Variants in MAPK13 observed in about 807,000 individuals in gnomAD.
MAPK13 encodes the protein mitogen-activated protein kinase 13.
In MAPK13, 39 loss-of-function variants were observed where a neutral mutation model predicts 53.5. The ratio of observed to expected loss-of-function variants is 0.73; its 90% CI spans 0.56 to 0.95. The LOEUF (loss-of-function observed/expected upper bound fraction) is 0.95, where lower values mean the gene tolerates loss of function less well. Ranked by LOEUF, MAPK13 falls within the 40% of genes least tolerant of loss-of-function variation. The pLI is 0.00. For synonymous variants in MAPK13, 179 were observed against 190.9 expected (o/e 0.94, Z 0.51); for missense variants, 460 against 471.8 (o/e 0.98, Z 0.23).
At chr6:36,136,315 T>C (rs1766415956) in intron 5 of MAPK13, among the ~76,000 whole-genome samples, 169 bp from the exon 6 acceptor site, 1 of 152,342 alleles carries the variant, frequency 6.6e-6, no homozygotes, top group South Asian at 2.1e-4. Context: ...ATTTTAGAGC[T>C]GGGTGGGCCC....
In MAPK13 at chr6:36,135,866, G is replaced by A. The variant is rs768700932; in HGVS notation, c.417+5G>A. 1.2e-6 allele frequency: 2 copies of A among 1,611,398 alleles called. No individual in the cohort carries two copies. The highest frequency in any genetic ancestry group is 2.7e-5 in the African/African-American group (2 of 74,982). On this transcript the variant is annotated splice_donor_5th_base_variant and intron_variant, in intron 4 of 11. Transcript: ENST00000211287. ...CAGATGCTCAAAGGCCTTAAGGTGG[G>A]TGGGGACTTGGAGGCTGGCAGAGGG...
Position 36,130,526 on chromosome 6 carries a change from C to G in MAPK13, c.-57C>G. On this transcript the variant is annotated 5_prime_UTR_variant, in exon 1 of 12. Transcript: ENST00000211287. The surrounding 1 kb of genome is among the most constrained non-coding windows in gnomAD (Gnocchi z 4.5). ...GCAGCGGGGGTCGGGGCGCTGGGAG[C>G]CCGTTGGGCCGCGAACGCAGCCGCC... 1.2e-6 allele frequency: 1 copy of G among 837,532 alleles called. No homozygotes were observed. Among genetic ancestry groups the G allele is most frequent in the Non-Finnish European group, 1.8e-6 (1 of 553,146 alleles). 51.9% of individuals were successfully genotyped at this position (837,532 alleles called of 1,614,324 possible).
rs1453424512 is a variant in MAPK13 at position 36,130,920 on chromosome 6, G to A, written c.119+219G>A. The A allele has an allele frequency of 7.7e-6, 4 of 521,364 alleles. No individual in the cohort carries two copies. In the African/African-American group the frequency reaches 7.9e-5, roughly 10 times the overall value. 32.3% of individuals were successfully genotyped at this position (521,364 alleles called of 1,614,324 possible). A position where few individuals can be genotyped will look rare whatever the true frequency, so the allele number is the denominator to read the frequency against. On this transcript the variant is annotated intron_variant, in intron 1 of 11. Coordinates refer to ENST00000211287, the MANE Select transcript of MAPK13 (RefSeq NM_002754.5). The surrounding 1 kb of genome is among the most constrained non-coding windows in gnomAD (Gnocchi z 4.5). ...GTTGGGACTGGGCCTGGTTCTCCAG[G>A]ACTGTACACTTGCAAGACCCCAGAG...
rs115149227 is a variant in MAPK13, at chr6:36,138,573, C to A, written c.762+129C>A. 9.5e-3 allele frequency: 11,927 copies of A among 1,257,064 alleles called. 84 individuals carry two copies. The highest frequency in any genetic ancestry group is 0.011 in the Non-Finnish European group (9,506 of 875,756). 77.9% of individuals were successfully genotyped at this position (1,257,064 alleles called of 1,614,324 possible). On this transcript the variant is annotated intron_variant, in intron 9 of 11. Transcript: ENST00000211287. ...CACAGCATCCTCCTACCCTGGCAGG[C>A]ACTCTTGTCTTAATCTCACCGTGGA... is the stretch of plus-strand genomic sequence containing the variant.
Position 36,130,567 on chromosome 6 carries a change from A to G in MAPK13, c.-16A>G, listed in dbSNP as rs770580825. On this transcript the variant is annotated 5_prime_UTR_variant, in exon 1 of 12. Coordinates refer to ENST00000211287, the MANE Select transcript of MAPK13 (RefSeq NM_002754.5). This position sits in a 1 kb window ranked among gnomAD's most constrained non-coding sequence, Gnocchi z 4.5. ...CGCAGCCGCCACGCTGGGGCCGCCG[A>G]GATCGGGTGCCCGGGATGAGCCTCA... 7.1e-7 allele frequency: 1 copy of G among 1,418,206 alleles called. No individual in the cohort carries two copies. Among genetic ancestry groups the G allele is most frequent in the African/African-American group, 1.5e-5 (1 of 67,016 alleles). 87.9% of individuals were successfully genotyped at this position (1,418,206 alleles called of 1,614,324 possible).
chr6:36,131,175 C>T (rs1210438020), intron 1 of MAPK13, 96 bp from the exon 2 acceptor site: 23 of 1,449,906 alleles, frequency 1.6e-5, no homozygotes, highest in Non-Finnish European at 2.0e-5. Flanking sequence ...GCCTAGTCCC[C>T]TCTCAGCCCA....
Position 36,135,736 on chromosome 6 carries a change from C to T in MAPK13, c.309-17C>T. 1.9e-6 allele frequency: 3 copies of T among 1,588,990 alleles called. No individual in the cohort carries two copies. Among genetic ancestry groups the T allele is most frequent in the Non-Finnish European group, 2.6e-6 (3 of 1,159,642 alleles). Reference sequence around the variant, plus strand: ...GTGGGACCCGGCACTGTTCCAAGAACCCCTCATGCCTTCCAGCTACCTGGT... The same window carrying T: ...GTGGGACCCGGCACTGTTCCAAGAATCCCTCATGCCTTCCAGCTACCTGGT... On this transcript the variant is annotated splice_polypyrimidine_tract_variant and intron_variant, in intron 3 of 11. Coordinates refer to ENST00000211287, the MANE Select transcript of MAPK13 (RefSeq NM_002754.5).
At position 36,139,675 on chromosome 6, in the gene MAPK13, T is replaced by G; in HGVS notation, c.*302T>G. On this transcript the variant is annotated 3_prime_UTR_variant, in exon 12 of 12. Coordinates refer to ENST00000211287, the MANE Select transcript of MAPK13 (RefSeq NM_002754.5). Reference sequence around the variant, plus strand: ...GAGCCAGGCCGGGGGCCTATGGCAGTGATGCTGTGTTGGTTTCCTAGGGAT... The same window carrying G: ...GAGCCAGGCCGGGGGCCTATGGCAGGGATGCTGTGTTGGTTTCCTAGGGAT... The G allele has an allele frequency of 2.6e-6, 1 of 389,440 alleles. No homozygotes were observed. Among genetic ancestry groups the G allele is most frequent in the Non-Finnish European group, 4.7e-6 (1 of 211,044 alleles). 24.1% of individuals were successfully genotyped at this position (389,440 alleles called of 1,614,324 possible).
chr6:36,138,505 T>G, intron 9 of MAPK13, 61 bp downstream of exon 9: 3 of 1,526,196 alleles, frequency 2.0e-6, no homozygotes, highest in Non-Finnish European at 2.7e-6. Context: ...GTGGGCCCAG[T>G]GGGCTGCAGG....
intron 11 of MAPK13, 105 bp downstream of exon 11, chr6:36,139,160 T>C: frequency 1.4e-6 from 2 of 1,391,812 alleles, no homozygotes; most frequent in East Asian, 4.7e-5. Context: ...GCCACCTCCT[T>C]CTTGGTGGGC....
chr6:36,137,874 G>A (rs1185036084), intron 8 of MAPK13, among the ~76,000 whole-genome samples: 2 of 143,354 alleles, frequency 1.4e-5, no homozygotes, highest in South Asian at 2.2e-4. Flanking sequence ...CAGGAAAATC[G>A]CTTGAACCCA....
At chr6:36,138,235 G>A in intron 8 of MAPK13, 130 bp from the exon 9 acceptor site, 5 of 679,854 alleles carry the variant, frequency 7.4e-6, no homozygotes, top group Non-Finnish European at 1.3e-5. Flanking sequence ...GAGAGCAGGA[G>A]GTGGTTAGGC....
Position 36,138,948 on chromosome 6 carries a change from C to T in MAPK13, c.911C>T (p.Thr304Ile). Residue 304 changes from threonine to isoleucine, a missense_variant, in exon 11 of 12, where the codon ACC becomes ATC. Transcript: ENST00000211287. ...DKRLTAAQALTHPFFEPFRDP... is the reference protein window; with the variant it reads ...DKRLTAAQALIHPFFEPFRDP... ...CGCCTGACGGCCGCGCAGGCCCTCACCCATCCCTTCTTTGAACCCTTCCGG... is the reference window on the plus strand; with the variant it reads ...CGCCTGACGGCCGCGCAGGCCCTCATCCATCCCTTCTTTGAACCCTTCCGG... 6.2e-7 allele frequency: 1 copy of T among 1,613,758 alleles called. No homozygotes were observed. The highest frequency in any genetic ancestry group is 8.5e-7 in the Non-Finnish European group (1 of 1,179,844).
rs1449393523 is a variant in MAPK13 at position 36,138,781 on chromosome 6, G to T, written c.841+1G>T. ...CTGTTCCCACGGGCCAGCCCCCAGG[G>T]TGAGTCTCAGAGCCCGCTCCCCAGG... On this transcript the variant is annotated splice_donor_variant, in intron 10 of 11. Coordinates refer to ENST00000211287, the MANE Select transcript of MAPK13 (RefSeq NM_002754.5). LOFTEE classifies it high-confidence loss of function. 6.2e-7 allele frequency: 1 copy of T among 1,614,156 alleles called. No individual in the cohort carries two copies. Among genetic ancestry groups the T allele is most frequent in the Non-Finnish European group, 8.5e-7 (1 of 1,180,018 alleles).
At position 36,130,659 on chromosome 6, in the gene MAPK13, T is replaced by C. The variant is rs371857533; in HGVS notation, c.77T>C (p.Val26Ala). The C allele has an allele frequency of 1.3e-4, 208 of 1,572,730 alleles. No individual in the cohort carries two copies. Among genetic ancestry groups the C allele is most frequent in the Non-Finnish European group, 1.7e-4 (203 of 1,163,604 alleles). Residue 26 changes from valine (V) to alanine (A), a missense_variant, in exon 1 of 12, where the codon GTG becomes GCG. Coordinates refer to ENST00000211287, the MANE Select transcript of MAPK13 (RefSeq NM_002754.5). This position sits in a 1 kb window ranked among gnomAD's most constrained non-coding sequence, Gnocchi z 4.5. ...KTAWELPKTY[V>A]SPTHVGSGAY... ...GCCTGGGAGCTGCCCAAGACCTACG[T>C]GTCCCCGACGCACGTCGGCAGCGGG...
intron 8 of MAPK13, among the ~76,000 whole-genome samples, chr6:36,137,522 A>G (rs1766441428): frequency 6.6e-6 from 1 of 151,428 alleles, no homozygotes; most frequent in African/African-American, 2.4e-5. Flanking sequence ...CTCAAAAAAA[A>G]GAAAAAGAAA....
chr6:36,130,722 G>GGGGGCGA lies in MAPK13; in HGVS notation c.119+27_119+28insAGGGGCG. The GGGGGCGA allele has an allele frequency of 2.6e-6, 3 of 1,157,638 alleles. No homozygotes were observed. The highest frequency in any genetic ancestry group is 2.3e-5 in the Admixed American group (1 of 43,842). The allele number at this position is 1,157,638 out of a possible 1,614,324, so 71.7% of individuals were successfully genotyped here. ...GTGTGGTGAGACCCCTGGGCCGCTG[G>GGGGGCGA]GGGGCGGGGGGCGGGCGCCAGGCTC... On this transcript the variant is annotated intron_variant, in intron 1 of 11. Coordinates refer to ENST00000211287, the MANE Select transcript of MAPK13 (RefSeq NM_002754.5). The surrounding 1 kb of genome is among the most constrained non-coding windows in gnomAD (Gnocchi z 4.5).
At chr6:36,131,503 C>T (rs1411472007) in intron 2 of MAPK13, 103 bp downstream of exon 2, 2 of 1,137,222 alleles carry the variant, frequency 1.8e-6, no homozygotes, top group African/African-American at 1.5e-5. Flanking sequence ...ACAGTCTCCT[C>T]CCTGCTCCCC....
chr6:36,139,664 G>T lies in MAPK13; in HGVS notation c.*291G>T. Reference sequence around the variant, plus strand: ...GAGTGGGCGCTGAGCCAGGCCGGGGGCCTATGGCAGTGATGCTGTGTTGGT... The same window carrying T: ...GAGTGGGCGCTGAGCCAGGCCGGGGTCCTATGGCAGTGATGCTGTGTTGGT... On this transcript the variant is annotated 3_prime_UTR_variant, in exon 12 of 12. Coordinates refer to ENST00000211287, the MANE Select transcript of MAPK13 (RefSeq NM_002754.5). 2.4e-6 allele frequency: 1 copy of T among 421,168 alleles called. No homozygotes were observed. Among genetic ancestry groups the T allele is most frequent in the East Asian group, 4.4e-5 (1 of 22,812 alleles). 26.1% of individuals were successfully genotyped at this position (421,168 alleles called of 1,614,324 possible). A position where few individuals can be genotyped will look rare whatever the true frequency, so the allele number is the denominator to read the frequency against.
Sources: gnomAD v4.1 joint callset for allele counts (sites outside exome capture counted in the v4.1 genomes callset) on GRCh38, gnomAD v4.1.1 for gene constraint, Gnocchi (gnomAD v3.1) non-coding constraint, MANE v1.5 for transcripts, NCBI Gene and HGNC (gene_info 2026-07-23, HGNC 2026-07-21) for gene names.